Variants in OXR1 observed in about 807,000 individuals in gnomAD.
OXR1 encodes oxidation resistance 1, also known as oxidation resistance protein 1.
In OXR1, 41 loss-of-function variants were observed where a neutral mutation model predicts 104.6. The ratio of observed to expected loss-of-function variants is 0.39; its 90% CI spans 0.31 to 0.51. OXR1 has a LOEUF of 0.51. OXR1 is among the 20% of genes least tolerant of loss of function. OXR1 has a pLI of 0.77. For synonymous variants in OXR1, 348 were observed against 348.4 expected (o/e 1.00, Z 0.01); for missense variants, 955 against 1,031.9 (o/e 0.93, Z 1.02).
intron 3 of OXR1, among the ~76,000 whole-genome samples, chr8:106,642,622 G>C (rs898476636): frequency 1.3e-5 from 2 of 152,146 alleles, no homozygotes; most frequent in Non-Finnish European, 2.9e-5. Context: ...ATAATCACTT[G>C]AGCACTGCTG....
intron 1 of OXR1, among the ~76,000 whole-genome samples, chr8:106,316,981 C>A (rs913919632): frequency 3.9e-5 from 6 of 152,212 alleles, no homozygotes; most frequent in African/African-American, 1.4e-4. Context: ...AGTGATTCTC[C>A]TGCCTCAGCC....
intron 2 of OXR1, among the ~76,000 whole-genome samples, chr8:106,513,989 A>G (rs1812703297): frequency 6.6e-6 from 1 of 152,168 alleles, no homozygotes; most frequent in Non-Finnish European, 1.5e-5. Context: ...GAAAAAGCAA[A>G]AATTAAGACA....
intron 2 of OXR1, among the ~76,000 whole-genome samples, chr8:106,472,044 T>C (rs970393299): frequency 2.0e-5 from 3 of 151,810 alleles, no homozygotes; most frequent in African/African-American, 7.2e-5. Flanking sequence ...TAGGATCTGA[T>C]TCAGGATCAG....
At chr8:106,412,608 C>T (rs183374957) in intron 2 of OXR1, among the ~76,000 whole-genome samples, 8 of 139,282 alleles carry the variant, frequency 5.7e-5, no homozygotes, top group East Asian at 2.3e-4. Flanking sequence ...GGAGTGAGTA[C>T]GCAGGGAGTC....
At chr8:106,692,977 A>G in intron 7 of OXR1, 100 bp downstream of exon 7, 1 of 804,722 alleles carries the variant, frequency 1.2e-6, no homozygotes, top group Admixed American at 2.8e-5. Context: ...ATGTCAGAAA[A>G]TGCTTGAATA....
rs569007978 is a variant in OXR1, at chr8:106,563,528, C to T, written c.220+44389C>T. Among the ~76,000 whole-genome samples, 10 of 152,208 alleles carry T rather than the reference C, an allele frequency of 6.6e-5. No homozygotes were observed. The East Asian group carries it at 1.9e-3, about 29-fold the overall frequency. The stretch of plus-strand genomic sequence containing the variant: ...ACGTAAAAAGAGACTAAGACTCCCA[C>T]ACAATAATGTGGGAGACTTTAACAC... On this transcript the variant is annotated intron_variant, in intron 3 of 16. Coordinates refer to ENST00000517566, the MANE Select transcript of OXR1 (RefSeq NM_001198533.2).
chr8:106,504,127 AG>A (rs1323990361), intron 2 of OXR1, among the ~76,000 whole-genome samples: 1 of 152,206 alleles, frequency 6.6e-6, no homozygotes, highest in African/African-American at 2.4e-5. Flanking sequence ...GGGAACACAA[AG>A]ACCTGTTCCC....
chr8:106,502,523 T>G (rs1212347116), intron 2 of OXR1, among the ~76,000 whole-genome samples: 1 of 152,148 alleles, frequency 6.6e-6, no homozygotes, highest in Non-Finnish European at 1.5e-5. Context: ...CATAGCAAAA[T>G]CACAAGAATG....
At chr8:106,582,037 A>G (rs912558181) in intron 3 of OXR1, among the ~76,000 whole-genome samples, 4 of 149,200 alleles carry the variant, frequency 2.7e-5, no homozygotes, top group African/African-American at 9.8e-5. Flanking sequence ...AAAAAAAAAA[A>G]AAAAAAACCT....
chr8:106,345,548 G>C (rs1815443246), intron 1 of OXR1, among the ~76,000 whole-genome samples: 1 of 152,158 alleles, frequency 6.6e-6, no homozygotes, highest in Non-Finnish European at 1.5e-5. Flanking sequence ...CCATGTAGGA[G>C]GATATAGAGT....
intron 1 of OXR1, among the ~76,000 whole-genome samples, chr8:106,333,737 T>TTTTTGGCA (rs1440516963): frequency 6.6e-6 from 1 of 152,106 alleles, no homozygotes; most frequent in Non-Finnish European, 1.5e-5. Flanking sequence ...ATAACTGTTC[T>TTTTTGGCA]TTTTGGCACT....
At chr8:106,659,652 T>G (rs1254527722) in intron 3 of OXR1, among the ~76,000 whole-genome samples, 1 of 152,214 alleles carries the variant, frequency 6.6e-6, no homozygotes, top group African/African-American at 2.4e-5. Flanking sequence ...GTGGGGTAAC[T>G]TAACTAAAAA....
intron 3 of OXR1, among the ~76,000 whole-genome samples, chr8:106,608,967 C>A (rs1820605736): frequency 6.6e-6 from 1 of 152,190 alleles, no homozygotes. Context: ...TTAAAGGTGA[C>A]TGAAATCATA....
At chr8:106,321,030 A>G (rs1814193560) in intron 1 of OXR1, among the ~76,000 whole-genome samples, 2 of 152,356 alleles carry the variant, frequency 1.3e-5, no homozygotes, top group East Asian at 1.9e-4. Flanking sequence ...TGCTGAAAGT[A>G]TTGATTAATG....
Position 106,451,562 on chromosome 8 carries a change from T to C in OXR1, c.24-67381T>C, listed in dbSNP as rs75298274. Among the ~76,000 whole-genome samples the C allele has an allele frequency of 8.8e-3, 1,341 of 152,294 alleles. 25 individuals are homozygous for C. The highest frequency in any genetic ancestry group is 0.031 in the African/African-American group (1,275 of 41,556). On this transcript the variant is annotated intron_variant, in intron 2 of 16. Coordinates refer to ENST00000517566, the MANE Select transcript of OXR1 (RefSeq NM_001198533.2). ...TTTTTAATTTAGAATAACAGGAAAT[T>C]TTCTTTTTTCTTTCAAATATTAGTT...
At chr8:106,367,970 A>G (rs1216587038) in intron 2 of OXR1, among the ~76,000 whole-genome samples, 1 of 152,158 alleles carries the variant, frequency 6.6e-6, no homozygotes, top group Admixed American at 6.5e-5. Context: ...AGTCCCAGGA[A>G]CTGAGCTTAG....
intron 1 of OXR1, among the ~76,000 whole-genome samples, chr8:106,278,303 T>C (rs1383588967): frequency 6.6e-6 from 1 of 152,204 alleles, no homozygotes; most frequent in Non-Finnish European, 1.5e-5. Context: ...TGTTTTCTGA[T>C]AAAAGTCAGG....
intron 2 of OXR1, among the ~76,000 whole-genome samples, chr8:106,426,465 T>C (rs1200567779): frequency 2.6e-5 from 4 of 152,196 alleles, no homozygotes; most frequent in African/African-American, 9.6e-5. Context: ...AGTAGAGTTA[T>C]AAGTGATGGA....
At chr8:106,287,521 GA>G (rs1812548252) in intron 1 of OXR1, among the ~76,000 whole-genome samples, 1 of 152,066 alleles carries the variant, frequency 6.6e-6, no homozygotes, top group South Asian at 2.1e-4. Context: ...CAATTAGAGG[GA>G]AAAGTGCAAT....
Sources: gnomAD v4.1 joint callset for allele counts (sites outside exome capture counted in the v4.1 genomes callset) on GRCh38, gnomAD v4.1.1 for gene constraint, MANE v1.5 for transcripts, NCBI Gene and HGNC (gene_info 2026-07-23, HGNC 2026-07-21) for gene names.